NR1H4: variants seen among roughly 807,000 people sequenced by gnomAD.
NR1H4 encodes the protein nuclear receptor subfamily 1 group H member 4, also known as bile acid receptor.
In NR1H4, 23 loss-of-function variants were observed where a neutral mutation model predicts 58.5. The observed-to-expected ratio is 0.39, with a 90% confidence interval of 0.28 to 0.56. The LOEUF is 0.56. NR1H4 is among the 20% of genes least tolerant of loss of function. The pLI, the probability that NR1H4 is intolerant of heterozygous loss-of-function variation, is 0.58. For synonymous variants in NR1H4, 214 were observed against 198.0 expected (o/e 1.08, Z -0.68); for missense variants, 487 against 576.9 (o/e 0.84, Z 1.60).
intron 1 of NR1H4, among the ~76,000 whole-genome samples, chr12:100,491,662 G>C (rs1307310340): frequency 2.6e-5 from 4 of 151,784 alleles, no homozygotes; most frequent in Non-Finnish European, 5.9e-5. Flanking sequence ...ATGGATAGTA[G>C]AGTTTGGCAG....
chr12:100,496,515 A>G (rs1455471316), intron 3 of NR1H4, among the ~76,000 whole-genome samples: 1 of 152,194 alleles, frequency 6.6e-6, no homozygotes, highest in Non-Finnish European at 1.5e-5. Flanking sequence ...AGGGGTGGAC[A>G]ACTGCTTTCC....
chr12:100,475,016 T>C (rs1953236106), intron 1 of NR1H4, among the ~76,000 whole-genome samples: 1 of 152,082 alleles, frequency 6.6e-6, no homozygotes, highest in Non-Finnish European at 1.5e-5. Context: ...ATGGTATAGA[T>C]TGTGGTGATG....
At chr12:100,562,366 TGAG>T (rs1565789072) in intron 10 of NR1H4, among the ~76,000 whole-genome samples, 1 of 152,064 alleles carries the variant, frequency 6.6e-6, no homozygotes, top group Non-Finnish European at 1.5e-5. Context: ...AAAAATATAA[TGAG>T]AATATAAAGA....
intron 1 of NR1H4, among the ~76,000 whole-genome samples, chr12:100,490,903 G>A (rs145853042): frequency 6.6e-6 from 1 of 152,228 alleles, no homozygotes; most frequent in Non-Finnish European, 1.5e-5. Flanking sequence ...TGATCCTCCT[G>A]CTTCAACTTC....
chr12:100,513,598 C>T (rs1954180566), intron 4 of NR1H4, among the ~76,000 whole-genome samples: 1 of 152,094 alleles, frequency 6.6e-6, no homozygotes, highest in African/African-American at 2.4e-5. Context: ...AGTTCAAGAC[C>T]AGCCTGGCCA....
rs368996206 is a variant in NR1H4 at position 100,475,895 on chromosome 12, CA to C, written c.-190+1837del. ...GTACTACAGGCGTGCACCACCATGC[CA>C]CTATTTTTTGTATTTTTAGTAGAGA... is the stretch of plus-strand genomic sequence containing the variant. On this transcript the variant is annotated intron_variant, in intron 1 of 10. Coordinates refer to ENST00000392986, the MANE Select transcript of NR1H4 (RefSeq NM_001206979.2). Among the ~76,000 whole-genome samples the C allele has an allele frequency of 3.7e-3, 564 of 152,188 alleles. 2 individuals carry two copies. The highest frequency in any genetic ancestry group is 0.012 in the African/African-American group (501 of 41,518).
At chr12:100,540,543 A>T in intron 8 of NR1H4, 129 bp from the exon 9 acceptor site, 1 of 938,546 alleles carries the variant, frequency 1.1e-6, no homozygotes, top group South Asian at 1.4e-5. Context: ...GTACAAATGG[A>T]CTCAACTAGA....
At chr12:100,522,140 T>C (rs1954438588) in intron 4 of NR1H4, among the ~76,000 whole-genome samples, 1 of 148,592 alleles carries the variant, frequency 6.7e-6, no homozygotes, top group Non-Finnish European at 1.5e-5. Context: ...ATGATGATAA[T>C]GGTGATGGTG....
chr12:100,562,111 C>T, intron 10 of NR1H4, 113 bp downstream of exon 10: 1 of 648,412 alleles, frequency 1.5e-6, no homozygotes, highest in South Asian at 1.8e-5. Flanking sequence ...AGTAAAGTAG[C>T]CTATAATTCT....
intron 3 of NR1H4, among the ~76,000 whole-genome samples, chr12:100,508,344 A>G (rs973882852): frequency 6.6e-6 from 1 of 152,184 alleles, no homozygotes; most frequent in Non-Finnish European, 1.5e-5. Flanking sequence ...AAGCAAGGGT[A>G]GAGTCATGCA....
At chr12:100,495,544 AAC>A (rs1318601804) in intron 3 of NR1H4, among the ~76,000 whole-genome samples, 1 of 151,116 alleles carries the variant, frequency 6.6e-6, no homozygotes, top group East Asian at 2.0e-4. Flanking sequence ...CATCCTGGCC[AAC>A]ATGGTTAAAC....
At chr12:100,487,437 T>C (rs1953514783) in intron 1 of NR1H4, among the ~76,000 whole-genome samples, 1 of 152,012 alleles carries the variant, frequency 6.6e-6, no homozygotes, top group Non-Finnish European at 1.5e-5. Flanking sequence ...CTGATTAGGC[T>C]AACAGAGGGG....
intron 4 of NR1H4, among the ~76,000 whole-genome samples, chr12:100,521,097 A>C (rs1954404220): frequency 6.6e-6 from 1 of 152,076 alleles, no homozygotes; most frequent in Non-Finnish European, 1.5e-5. Flanking sequence ...TGTGATACTT[A>C]AAACAAACAA....
intron 9 of NR1H4, among the ~76,000 whole-genome samples, chr12:100,551,243 A>G (rs1955196385): frequency 6.6e-6 from 1 of 152,214 alleles, no homozygotes; most frequent in Admixed American, 6.5e-5. Context: ...GAAGTCAGAG[A>G]AAGGAGATAA....
At chr12:100,526,685 A>G (rs1257704234) in intron 4 of NR1H4, among the ~76,000 whole-genome samples, 1 of 152,170 alleles carries the variant, frequency 6.6e-6, no homozygotes, top group Non-Finnish European at 1.5e-5. Flanking sequence ...TTTCAAGGCC[A>G]TGGTTCTTAG....
At chr12:100,523,978 A>G (rs970966804) in intron 4 of NR1H4, among the ~76,000 whole-genome samples, 1 of 152,232 alleles carries the variant, frequency 6.6e-6, no homozygotes, top group South Asian at 2.1e-4. Context: ...GAAATATAAA[A>G]TCAGTAAAAG....
intron 9 of NR1H4, among the ~76,000 whole-genome samples, chr12:100,543,178 A>C (rs1954977305): frequency 6.6e-6 from 1 of 152,182 alleles, no homozygotes; most frequent in African/African-American, 2.4e-5. Flanking sequence ...CAGGGAATGC[A>C]CACAAAGAAG....
chr12:100,543,177 C>T (rs1954977226), intron 9 of NR1H4, among the ~76,000 whole-genome samples: 1 of 152,092 alleles, frequency 6.6e-6, no homozygotes, highest in South Asian at 2.1e-4. Flanking sequence ...TCAGGGAATG[C>T]ACACAAAGAA....
intron 4 of NR1H4, among the ~76,000 whole-genome samples, chr12:100,517,355 C>A (rs369703496): frequency 2.6e-5 from 4 of 152,166 alleles, no homozygotes; most frequent in African/African-American, 7.2e-5. Context: ...TCACAAATGG[C>A]AGGATTTCAT....
Sources: allele counts gnomAD v4.1 joint callset (sites outside exome capture counted in the v4.1 genomes callset), GRCh38; gene constraint gnomAD v4.1.1; transcripts MANE v1.5; gene names NCBI Gene and HGNC (gene_info 2026-07-23, HGNC 2026-07-21).